The following RYR3 variants were observed in gnomAD, a reference collection of about 807,000 sequenced individuals.
The protein encoded by RYR3 is ryanodine receptor 3.
A neutral mutation model predicts 584.3 loss-of-function variants in RYR3; 207 were observed. The ratio of observed to expected loss-of-function variants is 0.35; its 90% confidence interval spans 0.32 to 0.40. The LOEUF is 0.40. Ranked by LOEUF, RYR3 falls within the 10% of genes least tolerant of loss-of-function variation. RYR3 has a pLI of 1.00. For synonymous variants in RYR3, 2,416 were observed against 2,248.5 expected (o/e 1.07, Z -2.11); for missense variants, 5,616 against 6,089.2 (o/e 0.92, Z 2.59).
intron 98 of RYR3, among the ~76,000 whole-genome samples, chr15:33,855,484 G>C (rs1277937212): frequency 2.6e-5 from 4 of 152,204 alleles, no homozygotes; most frequent in Non-Finnish European, 5.9e-5. Context: ...GATTACAGGT[G>C]TGAGCCATCG....
At chr15:33,658,847 G>A (rs2062974792) in intron 32 of RYR3, among the ~76,000 whole-genome samples, 1 of 152,174 alleles carries the variant, frequency 6.6e-6, no homozygotes, top group Non-Finnish European at 1.5e-5. Flanking sequence ...ATCAGTAAAT[G>A]CCAAACCCTT....
chr15:33,763,918 C>CAAAAAAAAAAAAA (rs2072755287), intron 60 of RYR3, among the ~76,000 whole-genome samples: 10 of 78,114 alleles, frequency 1.3e-4, no homozygotes, highest in South Asian at 4.2e-4. Context: ...AAAAAAAAAT[C>CAAAAAAAAAAAAA]AGGAAACAAC....
At chr15:33,796,051 TC>T (rs758258451) in intron 67 of RYR3, among the ~76,000 whole-genome samples, 5 of 152,186 alleles carry the variant, frequency 3.3e-5, no homozygotes, top group Non-Finnish European at 5.9e-5. Context: ...AGCTCTTACC[TC>T]CAAAGTTGAC....
intron 73 of RYR3, 114 bp from the exon 74 acceptor site, chr15:33,813,353 T>C: frequency 1.1e-6 from 1 of 876,112 alleles, no homozygotes; most frequent in Non-Finnish European, 1.9e-6. Flanking sequence ...TTTTGCTAAC[T>C]ACAGTTGAGA....
At chr15:33,447,171 A>T (rs2046737036) in intron 1 of RYR3, among the ~76,000 whole-genome samples, 1 of 152,238 alleles carries the variant, frequency 6.6e-6, no homozygotes, top group South Asian at 2.1e-4. Context: ...ATTAGTTTGG[A>T]GACAGCTTCT....
chr15:33,469,149 G>T (rs758203808), intron 1 of RYR3, among the ~76,000 whole-genome samples: 6 of 152,126 alleles, frequency 3.9e-5, no homozygotes, highest in Non-Finnish European at 7.3e-5. Flanking sequence ...AGATCAGAGA[G>T]ATTACTTGGG....
chr15:33,669,753 A>G (rs1269068681), intron 37 of RYR3, among the ~76,000 whole-genome samples: 1 of 144,332 alleles, frequency 6.9e-6, no homozygotes, highest in Non-Finnish European at 1.5e-5. Context: ...AACCTCACCT[A>G]ATTTGCTTAA....
chr15:33,548,757 G>C (rs1441940526), intron 9 of RYR3, among the ~76,000 whole-genome samples: 4 of 152,186 alleles, frequency 2.6e-5, no homozygotes, highest in Non-Finnish European at 5.9e-5. Context: ...AATAACCTCA[G>C]GTGGTCGGTT....
intron 1 of RYR3, among the ~76,000 whole-genome samples, chr15:33,448,806 T>C (rs920328484): frequency 7.9e-5 from 12 of 151,936 alleles, no homozygotes; most frequent in Admixed American, 7.9e-4. Context: ...GGACCTTTCT[T>C]GTGCAGTCAG....
chr15:33,548,771 T>C lies in RYR3; in HGVS notation c.815+567T>C, dbSNP rs371983629. ...GAATAACCTCAGGTGGTCGGTTAAC[T>C]TCAAACTACTGAAGGGGGATCACTT... On this transcript the variant is annotated intron_variant, in intron 9 of 103. Coordinates refer to ENST00000634891, the MANE Select transcript of RYR3 (RefSeq NM_001036.6). Among the ~76,000 whole-genome samples the C allele has an allele frequency of 5.8e-4, 89 of 152,276 alleles. 1 individual carries two copies. The South Asian group carries it at 0.018, about 31-fold the overall frequency.
intron 2 of RYR3, among the ~76,000 whole-genome samples, chr15:33,478,216 G>C (rs2049601375): frequency 6.6e-6 from 1 of 152,114 alleles, no homozygotes; most frequent in African/African-American, 2.4e-5. Context: ...TGGCTTGCCA[G>C]CTGGGATGTG....
intron 67 of RYR3, among the ~76,000 whole-genome samples, chr15:33,792,476 G>A (rs1175032635): frequency 6.6e-6 from 1 of 152,114 alleles, no homozygotes; most frequent in Non-Finnish European, 1.5e-5. Flanking sequence ...GTCCCCTGGG[G>A]TGGTGGCCAT....
chr15:33,339,777 T>G (rs1306865096), intron 1 of RYR3, among the ~76,000 whole-genome samples: 1 of 149,452 alleles, frequency 6.7e-6, no homozygotes, highest in Non-Finnish European at 1.5e-5. Flanking sequence ...TAGTCCCAGC[T>G]ACTCGGGAGG....
At chr15:33,853,513 G>T in intron 95 of RYR3, 42 bp from the exon 96 acceptor site, 1 of 1,598,616 alleles carries the variant, frequency 6.3e-7, no homozygotes, top group Non-Finnish European at 8.5e-7. Context: ...ATATTTGGTG[G>T]TGGCGTGTGG....
At chr15:33,676,436 C>G (rs1042924361) in intron 38 of RYR3, among the ~76,000 whole-genome samples, 2 of 152,070 alleles carry the variant, frequency 1.3e-5, no homozygotes, top group Non-Finnish European at 2.9e-5. Flanking sequence ...AAGGTGGTGA[C>G]AACAAAAAGT....
chr15:33,807,627 T>A, intron 70 of RYR3, 58 bp downstream of exon 70: 1 of 1,500,648 alleles, frequency 6.7e-7, no homozygotes, highest in Non-Finnish European at 9.1e-7. Flanking sequence ...TGCCGGGCTC[T>A]GGCCCCCTCT....
At chr15:33,549,748 A>C (rs1049606032) in intron 9 of RYR3, among the ~76,000 whole-genome samples, 1 of 152,182 alleles carries the variant, frequency 6.6e-6, no homozygotes, top group African/African-American at 2.4e-5. Context: ...TCCCTTGAAG[A>C]TAGGACTCTT....
intron 1 of RYR3, among the ~76,000 whole-genome samples, chr15:33,315,532 C>G (rs773778029): frequency 1.8e-4 from 28 of 152,312 alleles, no homozygotes; most frequent in Middle Eastern, 3.4e-3. Flanking sequence ...ATTAAAATGA[C>G]AAAACTCGGA....
chr15:33,435,453 C>T (rs536045031), intron 1 of RYR3, among the ~76,000 whole-genome samples: 6 of 152,054 alleles, frequency 3.9e-5, no homozygotes, highest in Non-Finnish European at 8.8e-5. Context: ...GTTTGGGGCT[C>T]TGGATATGTG....
Sources: allele counts gnomAD v4.1 joint callset (sites outside exome capture counted in the v4.1 genomes callset), GRCh38; gene constraint gnomAD v4.1.1; transcripts MANE v1.5; gene names NCBI Gene and HGNC (gene_info 2026-07-23, HGNC 2026-07-21).